The following NOSIP variants were observed in gnomAD, a reference collection of about 807,000 sequenced individuals.
NOSIP encodes the protein nitric oxide synthase interacting protein, also known as nitric oxide synthase-interacting protein.
A neutral mutation model predicts 36.4 loss-of-function variants in NOSIP; 25 were observed. The observed-to-expected ratio is 0.69, with a 90% CI of 0.50 to 0.96. NOSIP has a LOEUF of 0.96. Among genes scored for constraint, NOSIP ranks in the 40% least tolerant of loss-of-function variants. The probability of loss-of-function intolerance (pLI) is 0.00; values close to 1 mark genes in which losing one functional copy is unlikely to be tolerated. For synonymous variants in NOSIP, 187 were observed against 179.2 expected, an observed-to-expected ratio of 1.04 and a Z score of -0.35; for missense variants, 370 against 429.0, an observed-to-expected ratio of 0.86 and a Z score of 1.21.
intron 3 of NOSIP, chr19:49,559,448 A>G (rs1016725416): frequency 5.6e-6 from 1 of 178,038 alleles, no homozygotes; most frequent in Non-Finnish European, 1.2e-5. Flanking sequence ...AGCCTGGGAT[A>G]TCAGTGAGCC....
chr19:49,556,237 G>A, intron 8 of NOSIP, 80 bp downstream of exon 8: 1 of 710,662 alleles, frequency 1.4e-6, no homozygotes, highest in Non-Finnish European at 2.3e-6. Flanking sequence ...GGGAAGGGGA[G>A]GGGACGAAGC....
chr19:49,570,197 G>C (rs2080467072), intron 1 of NOSIP, among the ~76,000 whole-genome samples: 1 of 152,164 alleles, frequency 6.6e-6, no homozygotes, highest in Non-Finnish European at 1.5e-5. Context: ...ATTGTCTCCT[G>C]CTCTCAAGTA....
At chr19:49,570,110 T>G (rs112203383) in intron 1 of NOSIP, among the ~76,000 whole-genome samples, 6 of 151,328 alleles carry the variant, frequency 4.0e-5, no homozygotes, top group African/African-American at 9.7e-5. Context: ...TCTCAAAAAA[T>G]AAAGAAAGAA....
intron 1 of NOSIP, among the ~76,000 whole-genome samples, chr19:49,574,420 T>C (rs1375381261): frequency 6.6e-6 from 1 of 152,172 alleles, no homozygotes; most frequent in East Asian, 1.9e-4. Flanking sequence ...TGTTGATGGA[T>C]GGCATTAAAG....
intron 1 of NOSIP, among the ~76,000 whole-genome samples, chr19:49,568,469 T>C (rs1302165360): frequency 6.6e-6 from 1 of 152,212 alleles, no homozygotes; most frequent in Non-Finnish European, 1.5e-5. Flanking sequence ...GAGTGCAGTT[T>C]CCTGGATTCA....
At chr19:49,564,725 C>A (rs943956106) in intron 1 of NOSIP, among the ~76,000 whole-genome samples, 2 of 152,168 alleles carry the variant, frequency 1.3e-5, no homozygotes, top group Non-Finnish European at 2.9e-5. Flanking sequence ...TTACAAGACA[C>A]ATACACTGCC....
At chr19:49,574,557 C>T (rs1228882374) in intron 1 of NOSIP, among the ~76,000 whole-genome samples, 2 of 152,144 alleles carry the variant, frequency 1.3e-5, no homozygotes, top group Admixed American at 1.3e-4. Flanking sequence ...GCTGCCATAA[C>T]AAAACACCAC....
At chr19:49,574,640 A>G (rs528236761) in intron 1 of NOSIP, among the ~76,000 whole-genome samples, 1 of 152,122 alleles carries the variant, frequency 6.6e-6, no homozygotes, top group African/African-American at 2.4e-5. Context: ...GGCTACCAGC[A>G]TTGTGGGGTT....
At chr19:49,566,806 T>TATATATATATATATATAC (rs751475250) in intron 1 of NOSIP, 1 of 149,874 alleles carries the variant, frequency 6.7e-6, no homozygotes, top group African/African-American at 2.5e-5. Flanking sequence ...TATATATATA[T>TATATATATATATATATAC]ACACACATAC....
intron 1 of NOSIP, among the ~76,000 whole-genome samples, chr19:49,562,790 A>G (rs894150279): frequency 1.4e-4 from 22 of 152,160 alleles, no homozygotes; most frequent in Non-Finnish European, 3.1e-4. Flanking sequence ...CTGAAACAGG[A>G]GACTCATTGA....
Position 49,560,188 on chromosome 19 carries a change from T to C in NOSIP, c.71-149A>G. ...AGGCAGTTGGGAGCCGCTGCCTGTG[T>C]GCTGGGGCCACGGGCTGAACCCACA... On this transcript the variant is annotated intron_variant, in intron 2 of 8. Coordinates refer to ENST00000596358, the MANE Select transcript of NOSIP (RefSeq NM_001270960.2). The surrounding 1 kb of genome is among the most constrained non-coding windows in gnomAD (Gnocchi z 4.6). 1.6e-6 allele frequency: 1 copy of C among 621,786 alleles called. No homozygotes were observed. The highest frequency in any genetic ancestry group is 2.9e-6 in the Non-Finnish European group (1 of 349,280). The allele number at this position is 621,786 out of a possible 1,614,324, so 38.5% of individuals were successfully genotyped here. A position where few individuals can be genotyped will look rare whatever the true frequency, so the allele number is the denominator to read the frequency against.
intron 1 of NOSIP, among the ~76,000 whole-genome samples, chr19:49,562,123 T>A (rs2080343694): frequency 6.6e-6 from 1 of 151,910 alleles, no homozygotes; most frequent in Admixed American, 6.6e-5. Context: ...CATGCCTGTT[T>A]GTTTGTTTGT....
At chr19:49,562,185 GA>G (rs1165557434) in intron 1 of NOSIP, among the ~76,000 whole-genome samples, 4 of 152,102 alleles carry the variant, frequency 2.6e-5, no homozygotes, top group African/African-American at 9.7e-5. Flanking sequence ...GCAATAGCAT[GA>G]TCTTGGCTCA....
intron 8 of NOSIP, 147 bp downstream of exon 8, chr19:49,556,170 C>CGT: frequency 4.4e-6 from 1 of 227,148 alleles, no homozygotes; most frequent in Non-Finnish European, 7.7e-6. Flanking sequence ...CAGGAGAAAG[C>CGT]GGGGGGGGGG....
chr19:49,561,810 G>A (rs1472043767), intron 1 of NOSIP, among the ~76,000 whole-genome samples: 66 of 151,718 alleles, frequency 4.4e-4, no homozygotes, highest in Non-Finnish European at 7.4e-5. Flanking sequence ...TTGAGCCCAG[G>A]AGGCAGGGGT....
Position 49,561,900 on chromosome 19 carries a change from A to T in NOSIP, c.-1-1208T>A, listed in dbSNP as rs555966804. On this transcript the variant is annotated intron_variant, in intron 1 of 8. Transcript: ENST00000596358. ...GTCACAATTAAAAAAAAAAAAAAAA[A>T]GACATTGCCTAAGCCAAGATAATGC... Among the ~76,000 whole-genome samples the T allele has an allele frequency of 4.4e-3, 667 of 151,780 alleles. 6 individuals carry two copies. The highest frequency in any genetic ancestry group is 0.015 in the African/African-American group (628 of 41,408).
chr19:49,574,841 G>A (rs867652069), intron 1 of NOSIP, among the ~76,000 whole-genome samples: 8 of 151,588 alleles, frequency 5.3e-5, no homozygotes, highest in East Asian at 1.9e-4. Flanking sequence ...GATTACAGGC[G>A]TCCACCACCA....
intron 4 of NOSIP, chr19:49,557,550 C>T: frequency 8.0e-7 from 1 of 1,254,554 alleles, no homozygotes; most frequent in Non-Finnish European, 1.0e-6. Flanking sequence ...CAGCGGCTCA[C>T]TGAAGGGTTA....
At chr19:49,571,835 A>G (rs949872010) in intron 1 of NOSIP, among the ~76,000 whole-genome samples, 1 of 151,770 alleles carries the variant, frequency 6.6e-6, no homozygotes, top group African/African-American at 2.4e-5. Context: ...AAATACAAAA[A>G]TTAGCTGGGT....
Sources: gnomAD v4.1 joint callset for allele counts (sites outside exome capture counted in the v4.1 genomes callset) on GRCh38, gnomAD v4.1.1 for gene constraint, Gnocchi (gnomAD v3.1) non-coding constraint, MANE v1.5 for transcripts, NCBI Gene and HGNC (gene_info 2026-07-23, HGNC 2026-07-21) for gene names.